Variants in GJC3 observed in about 807,000 individuals in gnomAD.
GJC3 encodes the protein gap junction protein gamma 3.
A neutral mutation model predicts 19.8 loss-of-function variants in GJC3; 17 were observed. The observed-to-expected ratio is 0.86, with a 90% CI of 0.59 to 1.29. The LOEUF is 1.29. GJC3 is among the 50% of genes most tolerant of loss of function. The probability of loss-of-function intolerance (pLI) is 0.00; values close to 1 mark genes in which losing one functional copy is unlikely to be tolerated. For missense variants in GJC3, 317 were observed against 332.5 expected (o/e 0.95, Z 0.36); for synonymous variants, 140 against 136.5 (o/e 1.03, Z -0.18).
At position 99,929,555 on chromosome 7, in the gene GJC3, G is replaced by A. The variant is rs762021463; in HGVS notation, c.66C>T (p.Arg22=). ...ATCCCAGGAGCACGGGAAGCAAGAG[G>A]CGCCCCACGGGGGTGGAGCGCCGGC... The part of the protein sequence containing the change: ...EESRRSTPVG[R]LLLPVLLGFR... Residue 22 remains arginine, a synonymous_variant, in exon 1 of 2, where the codon CGC becomes CGT. Transcript: ENST00000312891. 13 of 1,613,038 alleles carry A rather than the reference G, an allele frequency of 8.1e-6. No homozygotes were observed. Among genetic ancestry groups the A allele is most frequent in the African/African-American group, 5.3e-5 (4 of 74,914 alleles).
rs768493733 is a variant in GJC3, at chr7:99,929,095, C to CA, written c.525dup (p.Gly176TrpfsTer2). ...CGGGACAGATTGCAGGTTATACTAC[C>CA]AAGGCAAGGTTCTCGGCGACATGCA... is the stretch of plus-strand genomic sequence containing the variant. On this transcript the variant is annotated frameshift_variant, in exon 1 of 2. Transcript: ENST00000312891. LOFTEE classifies it high-confidence loss of function. 195 of 1,613,804 alleles carry CA rather than the reference C, an allele frequency of 1.2e-4. No homozygotes were observed. The highest frequency in any genetic ancestry group is 7.6e-6 in the Non-Finnish European group (9 of 1,180,034).
intron 1 of GJC3, among the ~76,000 whole-genome samples, chr7:99,927,220 G>C (rs1819821460): frequency 6.6e-6 from 1 of 152,240 alleles, no homozygotes; most frequent in South Asian, 2.1e-4. Context: ...AGGAAAGTTA[G>C]AGTTTTCCTT....
upstream of GJC3, chr7:99,929,700 A>G: frequency 7.2e-7 from 1 of 1,391,612 alleles, no homozygotes; most frequent in Non-Finnish European, 9.9e-7. Context: ...TGTCACTCCT[A>G]ATCCAAGGAT....
In GJC3 at chr7:99,928,926, AAG is replaced by A. The variant is rs1819849298; in HGVS notation, c.693_694del (p.Phe232ProfsTer15). 1 of 1,614,058 alleles carries A rather than the reference AAG, an allele frequency of 6.2e-7. No homozygotes were observed. Among genetic ancestry groups the A allele is most frequent in the African/African-American group, 1.3e-5 (1 of 74,992 alleles). On this transcript the variant is annotated frameshift_variant, in exon 1 of 2. Coordinates refer to ENST00000312891, the MANE Select transcript of GJC3 (RefSeq NM_181538.3). LOFTEE classifies it high-confidence loss of function. ...TCTTCTGGTGCTCTCTGAAGTTAGG[AAG>A]TATTTAGAAGAGGAAGATTTGTGCT...
Position 99,923,320 on chromosome 7 carries a change from A to G in GJC3, c.*225T>C. 1.7e-6 allele frequency: 1 copy of G among 582,690 alleles called. No individual in the cohort carries two copies. Among genetic ancestry groups the G allele is most frequent in the Admixed American group, 2.9e-5 (1 of 34,946 alleles). 36.1% of individuals were successfully genotyped at this position (582,690 alleles called of 1,614,324 possible). A position where few individuals can be genotyped will look rare whatever the true frequency, so the allele number is the denominator to read the frequency against. Reference sequence around the variant, plus strand: ...GCGATAAGTAAGGAGGACACTGGGAATAATTCCCCAAAGCAATGCCTCCCT... The same window carrying G: ...GCGATAAGTAAGGAGGACACTGGGAGTAATTCCCCAAAGCAATGCCTCCCT... On this transcript the variant is annotated 3_prime_UTR_variant, in exon 2 of 2. Coordinates refer to ENST00000312891, the MANE Select transcript of GJC3 (RefSeq NM_181538.3).
At chr7:99,926,231 C>T (rs1377943411) in intron 1 of GJC3, among the ~76,000 whole-genome samples, 1 of 151,546 alleles carries the variant, frequency 6.6e-6, no homozygotes. Context: ...GTACTCAGGA[C>T]GCTGAAGCAG....
chr7:99,929,493 A>T lies in GJC3; in HGVS notation c.128T>A (p.Val43Asp). The T allele has an allele frequency of 1.2e-6, 2 of 1,613,828 alleles. No homozygotes were observed. Among genetic ancestry groups the T allele is most frequent in the Non-Finnish European group, 8.5e-7 (1 of 1,179,946 alleles). ...GAATTCACTCTGCTCATCACCATAG[A>T]CTCCAGGCCCACTGGCAGCCAGCAG... Reference protein sequence around the residue: ...LVLLAASGPGVYGDEQSEFVC... With the variant: ...LVLLAASGPGDYGDEQSEFVC... The change falls in exon 1 of 2, where the codon GTC (valine) becomes GAC (aspartate). Residue 43 changes from valine (V) to aspartate (D), a missense_variant. Val to Asp is a radical substitution (Grantham distance 152). Coordinates refer to ENST00000312891, the MANE Select transcript of GJC3 (RefSeq NM_181538.3).
intron 1 of GJC3, among the ~76,000 whole-genome samples, chr7:99,924,885 A>C (rs1371947002): frequency 6.6e-6 from 1 of 152,176 alleles, no homozygotes; most frequent in African/African-American, 2.4e-5. Flanking sequence ...AAAATCCTCC[A>C]GTCTTATCTT....
chr7:99,925,265 T>C (rs1819770665), intron 1 of GJC3, among the ~76,000 whole-genome samples: 1 of 152,060 alleles, frequency 6.6e-6, no homozygotes, highest in Non-Finnish European at 1.5e-5. Flanking sequence ...CCCATAAATA[T>C]ATAACCTACT....
intron 1 of GJC3, 75 bp downstream of exon 1, chr7:99,928,765 G>A (rs973381647): frequency 1.2e-5 from 17 of 1,412,766 alleles, no homozygotes; most frequent in East Asian, 6.8e-5. Context: ...TTCCCAGAAA[G>A]GTGAGGGACC....
chr7:99,929,656 T>C, upstream of GJC3: 1 of 1,562,636 alleles, frequency 6.4e-7, no homozygotes, highest in Non-Finnish European at 8.6e-7. Flanking sequence ...ATCAGTGTTG[T>C]TCACTGTCCT....
At chr7:99,925,972 TC>T (rs1819791316) in intron 1 of GJC3, among the ~76,000 whole-genome samples, 1 of 152,224 alleles carries the variant, frequency 6.6e-6, no homozygotes, top group Non-Finnish European at 1.5e-5. Context: ...ACGTGGAGTT[TC>T]CTTATGACCC....
At position 99,923,369 on chromosome 7, in the gene GJC3, T is replaced by G; in HGVS notation, c.*176A>C. The G allele has an allele frequency of 1.5e-6, 1 of 672,170 alleles. No individual in the cohort carries two copies. Among genetic ancestry groups the G allele is most frequent in the Non-Finnish European group, 2.7e-6 (1 of 368,260 alleles). The allele number at this position is 672,170 out of a possible 1,614,324, so 41.6% of individuals were successfully genotyped here. A position where few individuals can be genotyped will look rare whatever the true frequency, so the allele number is the denominator to read the frequency against. ...CTGAGCAATGGTGCAAACATGGCTTTTATTAGTCTGGTTAGCTGAGTCATT... is the reference window on the plus strand; with the variant it reads ...CTGAGCAATGGTGCAAACATGGCTTGTATTAGTCTGGTTAGCTGAGTCATT... On this transcript the variant is annotated 3_prime_UTR_variant, in exon 2 of 2. Transcript: ENST00000312891.
At chr7:99,928,099 G>C (rs1819837128) in intron 1 of GJC3, among the ~76,000 whole-genome samples, 2 of 152,194 alleles carry the variant, frequency 1.3e-5, no homozygotes, top group Non-Finnish European at 2.9e-5. Context: ...CAGGTCTGAG[G>C]GGCATTCATT....
chr7:99,929,165 C>T lies in GJC3; in HGVS notation c.456G>A (p.Leu152=). The stretch of plus-strand genomic sequence containing the variant: ...ACCCATACAGGTGGTACTGCAACCC[C>T]AGGGCTGCCCCCTCCAGGACAAGCC... ...GARLVLEGAA[L]GLQYHLYGFQ... Residue 152 remains leucine (L), a synonymous_variant, in exon 1 of 2, where the codon CTG becomes CTA. Transcript: ENST00000312891. 1 of 1,613,844 alleles carries T rather than the reference C, an allele frequency of 6.2e-7. No individual in the cohort carries two copies. The highest frequency in any genetic ancestry group is 1.3e-5 in the African/African-American group (1 of 75,012).
At chr7:99,929,642 A>G (rs199689657), upstream of GJC3, 231 of 1,586,234 alleles carry the variant, frequency 1.5e-4, 3 homozygotes, top group South Asian at 2.3e-3. Context: ...GCAGAGGACA[A>G]GAGATCAGTG....
At position 99,929,271 on chromosome 7, in the gene GJC3, T is replaced by C; in HGVS notation, c.350A>G (p.Gln117Arg). 6.2e-7 allele frequency: 1 copy of C among 1,614,166 alleles called. No individual in the cohort carries two copies. The highest frequency in any genetic ancestry group is 8.5e-7 in the Non-Finnish European group (1 of 1,180,018). Residue 117 changes from glutamine (Q) to arginine (R), a missense_variant, in exon 1 of 2, where the codon CAG (glutamine) becomes CGG (arginine). Transcript: ENST00000312891. ...GACATCTGTGTTGCCCTCCCGTCCC[T>C]GGATCAGGGTCTCCTCCTCCTTCCC... ...GKGKEEETLIQGREGNTDVPG... is the reference protein window; with the variant it reads ...GKGKEEETLIRGREGNTDVPG...
chr7:99,929,500 G>A lies in GJC3; in HGVS notation c.121C>T (p.Pro41Ser). The A allele has an allele frequency of 1.9e-6, 3 of 1,614,152 alleles. No homozygotes were observed. The highest frequency in any genetic ancestry group is 2.5e-6 in the Non-Finnish European group (3 of 1,180,028). ...CTCTGCTCATCACCATAGACTCCAG[G>A]CCCACTGGCAGCCAGCAGCACAAGG... ...FRLVLLAASG[P>S]GVYGDEQSEF... The change falls in exon 1 of 2, where the codon CCT (proline) becomes TCT (serine). Residue 41 changes from proline (P) to serine (S), a missense_variant. Coordinates refer to ENST00000312891, the MANE Select transcript of GJC3 (RefSeq NM_181538.3).
chr7:99,923,972 A>G (rs185411979), intron 1 of GJC3, among the ~76,000 whole-genome samples: 15 of 152,376 alleles, frequency 9.8e-5, no homozygotes, highest in African/African-American at 3.6e-4. Context: ...AAAAAATGTA[A>G]CAGATGCAGA....
Sources: allele counts gnomAD v4.1 joint callset (sites outside exome capture counted in the v4.1 genomes callset), GRCh38; gene constraint gnomAD v4.1.1; transcripts MANE v1.5; gene names NCBI Gene and HGNC (gene_info 2026-07-23, HGNC 2026-07-21).